MYRIP: variants seen among roughly 807,000 people sequenced by gnomAD.
MYRIP encodes rab effector MyRIP.
Under a neutral mutation model 98.0 loss-of-function variants are expected in MYRIP, and 49 were observed. The ratio of observed to expected loss-of-function variants is 0.50; its 90% CI spans 0.40 to 0.63. The LOEUF is 0.63. Among genes scored for constraint, MYRIP ranks in the 30% least tolerant of loss-of-function variants. The pLI is 0.00. For missense variants in MYRIP, 1,004 were observed against 1,058.2 expected, an observed-to-expected ratio of 0.95 and a Z score of 0.71; for synonymous variants, 404 against 409.5, an observed-to-expected ratio of 0.99 and a Z score of 0.16.
intron 1 of MYRIP, among the ~76,000 whole-genome samples, chr3:39,865,394 A>C (rs554507881): frequency 6.6e-6 from 1 of 152,258 alleles, no homozygotes; most frequent in East Asian, 1.9e-4. Context: ...CAGACAACCC[A>C]CAGAATGGAA....
At chr3:40,136,678 A>C (rs1286697914) in intron 3 of MYRIP, among the ~76,000 whole-genome samples, 1 of 152,078 alleles carries the variant, frequency 6.6e-6, no homozygotes. Context: ...AATTATAACA[A>C]ACTGTCTCTC....
chr3:40,244,331 C>A, intron 12 of MYRIP, 115 bp from the exon 13 acceptor site: 1 of 848,412 alleles, frequency 1.2e-6, no homozygotes, highest in Non-Finnish European at 1.7e-6. Context: ...AACATCCCCC[C>A]TGCAATGTGA....
At chr3:39,854,769 T>G (rs1942236995) in intron 1 of MYRIP, among the ~76,000 whole-genome samples, 1 of 152,224 alleles carries the variant, frequency 6.6e-6, no homozygotes, top group African/African-American at 2.4e-5. Context: ...TTGGGTAGAC[T>G]ATTTCAGTGG....
intron 2 of MYRIP, among the ~76,000 whole-genome samples, chr3:40,029,985 A>C (rs1016233016): frequency 1.3e-5 from 2 of 152,056 alleles, no homozygotes; most frequent in African/African-American, 4.8e-5. Context: ...ACTTGAGCCC[A>C]GGAGTCCAAG....
At chr3:40,078,743 A>G (rs1948410687) in intron 3 of MYRIP, among the ~76,000 whole-genome samples, 1 of 152,124 alleles carries the variant, frequency 6.6e-6, no homozygotes, top group African/African-American at 2.4e-5. Context: ...TTGTAAAATC[A>G]CTTCTTATGC....
intron 3 of MYRIP, among the ~76,000 whole-genome samples, chr3:40,077,645 C>T (rs1948378005): frequency 6.6e-6 from 1 of 151,988 alleles, no homozygotes; most frequent in South Asian, 2.1e-4. Flanking sequence ...ATACAGAGTG[C>T]CAACTGGTGT....
chr3:40,225,793 C>T (rs550169093), intron 11 of MYRIP, among the ~76,000 whole-genome samples: 20 of 152,202 alleles, frequency 1.3e-4, no homozygotes, highest in South Asian at 4.1e-4. Flanking sequence ...GAGTCTCTCG[C>T]GAACAACATT....
chr3:39,959,297 A>G (rs13072109), intron 2 of MYRIP, among the ~76,000 whole-genome samples: 38,885 of 149,618 alleles, frequency 0.26, 4,401 homozygotes, highest in Middle Eastern at 0.33. Flanking sequence ...TGATAGACTG[A>G]ATTAAGAAAA....
At position 40,129,121 on chromosome 3, in the gene MYRIP, T is replaced by A. The variant is rs118141314; in HGVS notation, c.333-21927T>A. On this transcript the variant is annotated intron_variant, in intron 3 of 16. Transcript: ENST00000302541. ...TCTGTCTCTTGTCCTACTAAGTGGA[T>A]TGTGGTCAAAATTTAAAAGAAAAAA... 2.3e-4 allele frequency among the ~76,000 whole-genome samples: 35 copies of A among 151,854 alleles called. No homozygotes were observed. The East Asian group carries it at 6.6e-3, about 29-fold the overall frequency.
intron 10 of MYRIP, among the ~76,000 whole-genome samples, chr3:40,198,682 C>A (rs564274909): frequency 6.1e-4 from 93 of 152,228 alleles, no homozygotes; most frequent in African/African-American, 2.1e-3. Context: ...ATTTTAATTT[C>A]CTCCAATGTT....
At chr3:39,927,784 A>C (rs1005948896) in intron 2 of MYRIP, among the ~76,000 whole-genome samples, 2 of 152,064 alleles carry the variant, frequency 1.3e-5, no homozygotes, top group Non-Finnish European at 2.9e-5. Flanking sequence ...TAGATGTGAA[A>C]ATCCTCAACA....
At chr3:39,811,460 C>T (rs7651673) in intron 1 of MYRIP, among the ~76,000 whole-genome samples, 1 of 151,860 alleles carries the variant, frequency 6.6e-6, no homozygotes, top group Non-Finnish European at 1.5e-5. Context: ...TATCTGGGAC[C>T]CTATTTGCAG....
chr3:40,046,923 A>C (rs1171629552), intron 3 of MYRIP, among the ~76,000 whole-genome samples: 1 of 152,050 alleles, frequency 6.6e-6, no homozygotes, highest in African/African-American at 2.4e-5. Flanking sequence ...TTTACTAAAC[A>C]GTTAGTAGCA....
intron 3 of MYRIP, chr3:40,071,219 C>A: frequency 1.0e-6 from 1 of 984,002 alleles, no homozygotes; most frequent in Non-Finnish European, 1.2e-6. Context: ...TCAGGCCCAT[C>A]GGGTAAACTA....
rs1292129006 is a variant in MYRIP, at chr3:40,084,708, ATATG to A, written c.332+40441_332+40444del. On this transcript the variant is annotated intron_variant, in intron 3 of 16. Coordinates refer to ENST00000302541, the MANE Select transcript of MYRIP (RefSeq NM_015460.4). ...TCTATGTATTACATATCGATAGATA[ATATG>A]TATCTATGTATTACATGTCGATAGA... Among the ~76,000 whole-genome samples, 16 of 148,676 alleles carry A rather than the reference ATATG, an allele frequency of 1.1e-4. 2 individuals carry two copies. Among genetic ancestry groups the A allele is most frequent in the African/African-American group, 2.2e-4 (9 of 40,888 alleles).
At chr3:39,836,795 G>T (rs111773439) in intron 1 of MYRIP, among the ~76,000 whole-genome samples, 1 of 152,144 alleles carries the variant, frequency 6.6e-6, no homozygotes, top group African/African-American at 2.4e-5. Flanking sequence ...AAACACACTT[G>T]TGGATAATTA....
intron 1 of MYRIP, among the ~76,000 whole-genome samples, chr3:39,866,674 G>C (rs913808146): frequency 4.6e-5 from 7 of 151,988 alleles, no homozygotes; most frequent in Non-Finnish European, 8.8e-5. Context: ...ATGGATGAAA[G>C]AAACTGAAAA....
intron 11 of MYRIP, among the ~76,000 whole-genome samples, chr3:40,230,564 T>C (rs1952623226): frequency 6.6e-6 from 1 of 152,122 alleles, no homozygotes; most frequent in African/African-American, 2.4e-5. Context: ...AACAGGGAGG[T>C]TAAGTGCCCT....
chr3:40,153,984 C>CA (rs1950168681), intron 4 of MYRIP, among the ~76,000 whole-genome samples: 1 of 151,826 alleles, frequency 6.6e-6, no homozygotes. Context: ...TACTAAAATA[C>CA]AAAAAATTAG....
Sources: gnomAD v4.1 joint callset for allele counts (sites outside exome capture counted in the v4.1 genomes callset) on GRCh38, gnomAD v4.1.1 for gene constraint, MANE v1.5 for transcripts, NCBI Gene and HGNC (gene_info 2026-07-23, HGNC 2026-07-21) for gene names.